Variants in TCERG1 observed in about 807,000 individuals in gnomAD.
TCERG1 encodes TATA box binding protein (TBP)-associated factor, RNA polymerase II, S, 150kD.
In TCERG1, 37 loss-of-function variants were observed where a neutral mutation model predicts 144.7. The observed-to-expected ratio is 0.26, with a 90% CI of 0.20 to 0.34. TCERG1 has a LOEUF of 0.34. TCERG1 is among the 10% of genes least tolerant of loss of function. The pLI is 1.00. For synonymous variants in TCERG1, 492 were observed against 458.2 expected (o/e 1.07, Z -0.94); for missense variants, 1,027 against 1,380.7 (o/e 0.74, Z 4.06).
Position 146,478,546 on chromosome 5 carries a change from G to T in TCERG1, c.1655G>T (p.Arg552Leu). Reference protein sequence around the residue: ...ERVFFYNPTTRLSMWDRPDDL... With the variant: ...ERVFFYNPTTLLSMWDRPDDL... ...GTCTTCTTTTATAATCCCACCACTC[G>T]TCTTTCTATGTGGGACCGACCTGAT... Residue 552 changes from arginine (R) to leucine (L), a missense_variant, in exon 10 of 23, where the codon CGT (arginine) becomes CTT (leucine). Physicochemically the swap from Arg to Leu is moderately radical, Grantham distance 102. Around this residue, in one of 6 missense-constraint regions of TCERG1, gnomAD observed 482 missense variants for 632.6 expected, o/e 0.76. Transcript: ENST00000679501. The T allele has an allele frequency of 6.2e-7, 1 of 1,611,204 alleles. No individual in the cohort carries two copies. Among genetic ancestry groups the T allele is most frequent in the Admixed American group, 1.7e-5 (1 of 59,180 alleles).
chr5:146,486,533 C>T (rs1765848496), intron 15 of TCERG1, among the ~76,000 whole-genome samples: 1 of 152,154 alleles, frequency 6.6e-6, no homozygotes, highest in Non-Finnish European at 1.5e-5. Context: ...AAAATAAGTT[C>T]TCTCTTATCT....
chr5:146,447,559 G>T (rs1205005976), intron 1 of TCERG1, 151 bp downstream of exon 1: 1 of 1,042,704 alleles, frequency 9.6e-7, no homozygotes, highest in Admixed American at 3.0e-5. Context: ...AGGGGGAAGG[G>T]GAAGGTGGCT....
chr5:146,449,614 A>T (rs190485663), intron 1 of TCERG1, among the ~76,000 whole-genome samples: 58 of 152,302 alleles, frequency 3.8e-4, no homozygotes, highest in Non-Finnish European at 5.6e-4. Context: ...GAGATTGCAT[A>T]TCTGGATAGA....
intron 11 of TCERG1, 36 bp downstream of exon 11, chr5:146,479,947 A>C: frequency 1.2e-6 from 2 of 1,610,902 alleles, no homozygotes; most frequent in Non-Finnish European, 1.7e-6. Context: ...GCTTCTTTTT[A>C]ATACTATTAA....
Position 146,507,690 on chromosome 5 carries a change from G to C in TCERG1, c.2962-183G>C. On this transcript the variant is annotated intron_variant, in intron 20 of 22. Coordinates refer to ENST00000679501, the MANE Select transcript of TCERG1 (RefSeq NM_001382548.1). The surrounding 1 kb of genome is among the most constrained non-coding windows in gnomAD (Gnocchi z 4.6). ...AAGTATGGCCATGAAAATAACTCTTGTGGCAAGCCAACAAAAAGAAATTGC... is the reference window on the plus strand; with the variant it reads ...AAGTATGGCCATGAAAATAACTCTTCTGGCAAGCCAACAAAAAGAAATTGC... 1 of 461,156 alleles carries C rather than the reference G, an allele frequency of 2.2e-6. No individual in the cohort carries two copies. Among genetic ancestry groups the C allele is most frequent in the Non-Finnish European group, 3.8e-6 (1 of 263,822 alleles). The allele number at this position is 461,156 out of a possible 1,614,324, so 28.6% of individuals were successfully genotyped here. A position where few individuals can be genotyped will look rare whatever the true frequency, so the allele number is the denominator to read the frequency against.
intron 4 of TCERG1, chr5:146,461,945 G>A (rs1208185683): frequency 3.9e-5 from 6 of 152,556 alleles, no homozygotes; most frequent in Admixed American, 3.9e-4. Flanking sequence ...GTATGGGACT[G>A]GGCAAATGTT....
rs773629767 is a variant in TCERG1, at chr5:146,510,881, A to C, written c.*239A>C. 89 of 343,106 alleles carry C rather than the reference A, an allele frequency of 2.6e-4. No individual in the cohort carries two copies. The highest frequency in any genetic ancestry group is 9.3e-4 in the Admixed American group (20 of 21,556). The allele number at this position is 343,106 out of a possible 1,614,324, so 21.3% of individuals were successfully genotyped here. A position where few individuals can be genotyped will look rare whatever the true frequency, so the allele number is the denominator to read the frequency against. ...GTCTCTAGTAAATCTTAAAATCTTG[A>C]AGCTAAAATTCATCCTTTTATGAGG... is the stretch of plus-strand genomic sequence containing the variant. On this transcript the variant is annotated 3_prime_UTR_variant, in exon 23 of 23. Coordinates refer to ENST00000679501, the MANE Select transcript of TCERG1 (RefSeq NM_001382548.1).
intron 15 of TCERG1, among the ~76,000 whole-genome samples, chr5:146,489,382 A>T (rs1225228505): frequency 6.6e-6 from 1 of 152,176 alleles, no homozygotes; most frequent in Non-Finnish European, 1.5e-5. Flanking sequence ...CTCTAAGAGA[A>T]AACACCAAAA....
intron 7 of TCERG1, 47 bp downstream of exon 7, chr5:146,469,791 A>G: frequency 1.6e-6 from 2 of 1,272,958 alleles, no homozygotes; most frequent in Non-Finnish European, 2.1e-6. Context: ...AACTGTAATA[A>G]GTAGAATGGT....
chr5:146,452,135 C>T (rs928013259), intron 1 of TCERG1, among the ~76,000 whole-genome samples: 1 of 151,870 alleles, frequency 6.6e-6, no homozygotes, highest in East Asian at 1.9e-4. Context: ...CAGAATTGAA[C>T]GATGATGTGG....
chr5:146,510,905 G>T lies in TCERG1; in HGVS notation c.*263G>T. 3.6e-6 allele frequency: 1 copy of T among 274,332 alleles called. No individual in the cohort carries two copies. 17.0% of individuals were successfully genotyped at this position (274,332 alleles called of 1,614,324 possible). A position where few individuals can be genotyped will look rare whatever the true frequency, so the allele number is the denominator to read the frequency against. The stretch of plus-strand genomic sequence containing the variant: ...GAAGCTAAAATTCATCCTTTTATGA[G>T]GTGTGGAAGTCAGTGACTTGGTGAC... On this transcript the variant is annotated 3_prime_UTR_variant, in exon 23 of 23. Transcript: ENST00000679501.
chr5:146,475,039 C>G (rs1031308759), intron 9 of TCERG1, among the ~76,000 whole-genome samples: 1 of 152,258 alleles, frequency 6.6e-6, no homozygotes. Context: ...ATCTGTGCTT[C>G]ATTTCCTGTT....
At chr5:146,483,503 A>G (rs761160536) in intron 14 of TCERG1, 37 bp from the exon 15 acceptor site, 3 of 1,557,616 alleles carry the variant, frequency 1.9e-6, no homozygotes, top group East Asian at 4.5e-5. Flanking sequence ...TTTTTAGAGG[A>G]GACTTAATTA....
intron 4 of TCERG1, 70 bp from the exon 5 acceptor site, chr5:146,463,481 A>G (rs2150319505): frequency 2.5e-6 from 4 of 1,593,322 alleles, no homozygotes; most frequent in Non-Finnish European, 2.6e-6. Flanking sequence ...CTGAATGTGT[A>G]AATGATGAAT....
At chr5:146,473,471 C>T (rs1348418029) in intron 9 of TCERG1, among the ~76,000 whole-genome samples, 2 of 152,152 alleles carry the variant, frequency 1.3e-5, no homozygotes, top group South Asian at 4.1e-4. Context: ...TTAAGGTTAT[C>T]GATGAGGGCA....
At chr5:146,477,692 CTTTTTTTTTTTT>C (rs1168989847) in intron 9 of TCERG1, among the ~76,000 whole-genome samples, 4 of 79,388 alleles carry the variant, frequency 5.0e-5, no homozygotes, top group East Asian at 4.0e-4. Context: ...TGGTACTTTA[CTTTTTTTTTTTT>C]TTTTTTTTTT....
At chr5:146,484,889 ATTGTTGATCTCC>A (rs1318036157) in intron 15 of TCERG1, among the ~76,000 whole-genome samples, 4 of 152,174 alleles carry the variant, frequency 2.6e-5, no homozygotes, top group African/African-American at 9.7e-5. Context: ...TGTGTAGCCT[ATTGTTGATCTCC>A]TTCATTCCAT....
chr5:146,457,099 A>T (rs2304055), intron 2 of TCERG1, 84 bp from the exon 3 acceptor site: 123,906 of 1,520,780 alleles, frequency 0.081, 10,062 homozygotes, highest in East Asian at 0.51. Flanking sequence ...TTTCTCTTAC[A>T]GTGTTTTACT....
intron 9 of TCERG1, 85 bp downstream of exon 9, chr5:146,471,661 C>T (rs907967935): frequency 1.1e-5 from 13 of 1,143,126 alleles, no homozygotes; most frequent in African/African-American, 4.7e-5. Context: ...TGCAGTGGCA[C>T]GATCTGGGCT....
Sources: allele counts gnomAD v4.1 joint callset (sites outside exome capture counted in the v4.1 genomes callset), GRCh38; gene constraint gnomAD v4.1.1; regional missense constraint gnomAD v4.1.1; non-coding constraint Gnocchi (gnomAD v3.1); transcripts MANE v1.5; gene names NCBI Gene and HGNC (gene_info 2026-07-23, HGNC 2026-07-21).